The following ASPH variants were observed in gnomAD, a reference collection of about 807,000 sequenced individuals.
ASPH encodes aspartyl/asparaginyl beta-hydroxylase.
Under a neutral mutation model 118.4 loss-of-function variants are expected in ASPH, and 100 were observed. The ratio of observed to expected loss-of-function variants is 0.84; its 90% CI spans 0.72 to 1.00. The LOEUF is 1.00. ASPH is among the 50% of genes least tolerant of loss of function. The probability of loss-of-function intolerance (pLI) is 0.00; values close to 1 mark genes in which losing one functional copy is unlikely to be tolerated. For missense variants in ASPH, 920 were observed against 919.5 expected, an observed-to-expected ratio of 1.00 and a Z score of -0.01; for synonymous variants, 315 against 325.6, an observed-to-expected ratio of 0.97 and a Z score of 0.35.
intron 13 of ASPH, among the ~76,000 whole-genome samples, chr8:61,623,340 TTA>T: frequency 6.6e-6 from 1 of 152,356 alleles, no homozygotes; most frequent in African/African-American, 2.4e-5. Context: ...TTTGCCATTT[TTA>T]TGTCTTCTTT....
At chr8:61,663,518 G>C (rs1817983126) in intron 3 of ASPH, 1 of 985,382 alleles carries the variant, frequency 1.0e-6, no homozygotes, top group Non-Finnish European at 1.2e-6. Flanking sequence ...AGTGAGCTAA[G>C]AGGAAAAAGA....
chr8:61,522,745 G>A (rs777707614), intron 22 of ASPH, among the ~76,000 whole-genome samples: 1 of 152,172 alleles, frequency 6.6e-6, no homozygotes, highest in African/African-American at 2.4e-5. Context: ...GTGGAATTAT[G>A]TGTCAATTAA....
intron 13 of ASPH, chr8:61,628,217 T>TG (rs1853819973): frequency 4.1e-6 from 1 of 241,362 alleles, no homozygotes; most frequent in Non-Finnish European, 8.4e-6. Context: ...TAGAGTGCAG[T>TG]GGTGCGATCA....
At chr8:61,710,829 T>C (rs911420682) in intron 1 of ASPH, among the ~76,000 whole-genome samples, 2 of 152,196 alleles carry the variant, frequency 1.3e-5, no homozygotes, top group African/African-American at 4.8e-5. Flanking sequence ...AGTTACTTAG[T>C]AATCTAAGAG....
chr8:61,676,745 A>G (rs1057279907), intron 3 of ASPH, among the ~76,000 whole-genome samples: 1 of 152,130 alleles, frequency 6.6e-6, no homozygotes, highest in Admixed American at 6.6e-5. Flanking sequence ...TTTTATCGAG[A>G]GTTGATTATA....
chr8:61,514,198 C>T (rs16927435), intron 24 of ASPH, among the ~76,000 whole-genome samples: 24,946 of 152,124 alleles, frequency 0.16, 2,424 homozygotes, highest in East Asian at 0.4. Flanking sequence ...CACCTGCTCC[C>T]ATTCTTGGCT....
chr8:61,586,134 A>G (rs959072528), intron 14 of ASPH, among the ~76,000 whole-genome samples: 3 of 151,278 alleles, frequency 2.0e-5, no homozygotes, highest in African/African-American at 7.3e-5. Flanking sequence ...TATGTTGCCC[A>G]CTCTCCCAGT....
At chr8:61,585,353 G>C (rs1201921991) in intron 14 of ASPH, among the ~76,000 whole-genome samples, 1 of 152,164 alleles carries the variant, frequency 6.6e-6, no homozygotes, top group Non-Finnish European at 1.5e-5. Context: ...CTGGAGAAGG[G>C]GAGTGGTGGC....
intron 3 of ASPH, among the ~76,000 whole-genome samples, chr8:61,654,727 C>G (rs539825507): frequency 2.0e-4 from 30 of 152,278 alleles, no homozygotes; most frequent in Admixed American, 4.6e-4. Flanking sequence ...AGGACCCTGC[C>G]ACATCACTTA....
chr8:61,588,401 C>A (rs1840087856), intron 14 of ASPH, among the ~76,000 whole-genome samples: 1 of 152,214 alleles, frequency 6.6e-6, no homozygotes, highest in Non-Finnish European at 1.5e-5. Flanking sequence ...TACGTTGACT[C>A]CTTTTCATTT....
Position 61,694,390 on chromosome 8 carries a change from T to A in ASPH, c.104-10202A>T, listed in dbSNP as rs117196020. On this transcript the variant is annotated intron_variant, in intron 1 of 24. Transcript: ENST00000379454. ...CCACAGAGCCGCTGTTTCTCTGTTTTCATTTTCTAACCTCCCACTCACTCC... is the reference window on the plus strand; with the variant it reads ...CCACAGAGCCGCTGTTTCTCTGTTTACATTTTCTAACCTCCCACTCACTCC... 1.7e-4 allele frequency among the ~76,000 whole-genome samples: 26 copies of A among 152,324 alleles called. 1 individual carries two copies. In the East Asian group the frequency reaches 4.8e-3, roughly 28 times the overall value.
At position 61,646,284 on chromosome 8, in the gene ASPH, G is replaced by A. The variant is rs953381524; in HGVS notation, c.619+466C>T. Among the ~76,000 whole-genome samples, 2 of 152,288 alleles carry A rather than the reference G, an allele frequency of 1.3e-5. 1 individual carries two copies. Among genetic ancestry groups the A allele is most frequent in the Middle Eastern group, 6.8e-3 (2 of 294 alleles). ...TTGAGTAGCTGAACAGAGTCTGTAC[G>A]ATCCAGAAAACCTGAAATATTTACT... On this transcript the variant is annotated intron_variant, in intron 6 of 24. Transcript: ENST00000379454.
At chr8:61,709,327 A>G (rs972582718) in intron 1 of ASPH, among the ~76,000 whole-genome samples, 7 of 152,188 alleles carry the variant, frequency 4.6e-5, no homozygotes, top group Non-Finnish European at 1.0e-4. Flanking sequence ...GCAGTACCAG[A>G]AGAAAGTATA....
At chr8:61,664,534 G>C in intron 3 of ASPH, 1 of 985,326 alleles carries the variant, frequency 1.0e-6, no homozygotes. Context: ...GTATGTACTG[G>C]ATGATGGGAG....
At chr8:61,538,883 G>T (rs1343515059) in intron 21 of ASPH, among the ~76,000 whole-genome samples, 2 of 152,220 alleles carry the variant, frequency 1.3e-5, no homozygotes. Context: ...ACTGGGAAAA[G>T]AATGCAGTTT....
chr8:61,606,550 C>T (rs1446954114), intron 14 of ASPH: 1 of 152,026 alleles, frequency 6.6e-6, no homozygotes, highest in Non-Finnish European at 1.5e-5. Flanking sequence ...CTGGCCCACC[C>T]CAAAGGTTTC....
At chr8:61,508,321 T>C (rs1446745173) in intron 24 of ASPH, among the ~76,000 whole-genome samples, 3 of 140,594 alleles carry the variant, frequency 2.1e-5, no homozygotes, top group African/African-American at 7.3e-5. Context: ...TGGCCTTCTG[T>C]TAGAATTTCT....
In ASPH at chr8:61,520,223, C is replaced by T. The variant is rs1215132552; in HGVS notation, c.1901-2100G>A. On this transcript the variant is annotated intron_variant, in intron 22 of 24. Transcript: ENST00000379454. ...CCTGAACTATGCAAATTTCTTTACA[C>T]TCTATAAAGCCCCTGCTTATTAGGG... 2.6e-5 allele frequency among the ~76,000 whole-genome samples: 4 copies of T among 152,274 alleles called. No individual in the cohort carries two copies. In the East Asian group the frequency reaches 7.7e-4, roughly 29 times the overall value.
At chr8:61,711,654 G>GA (rs530107077) in intron 1 of ASPH, among the ~76,000 whole-genome samples, 47 of 145,092 alleles carry the variant, frequency 3.2e-4, no homozygotes, top group Admixed American at 5.5e-4. Flanking sequence ...GTTTGGCCAG[G>GA]AAAAAAAAAA....
Sources: allele counts gnomAD v4.1 joint callset (sites outside exome capture counted in the v4.1 genomes callset), GRCh38; gene constraint gnomAD v4.1.1; transcripts MANE v1.5; gene names NCBI Gene and HGNC (gene_info 2026-07-23, HGNC 2026-07-21).